The following SNTB1 variants were observed in gnomAD, a reference collection of about 807,000 sequenced individuals.
SNTB1 encodes the protein syntrophin beta 1.
In SNTB1, 36 loss-of-function variants were observed where a neutral mutation model predicts 48.9. That is an observed-to-expected ratio of 0.74 (90% CI 0.56 to 0.97). The LOEUF (loss-of-function observed/expected upper bound fraction) is 0.97, where lower values mean the gene tolerates loss of function less well. Ranked by LOEUF, SNTB1 falls within the 50% of genes least tolerant of loss-of-function variation. The pLI, the probability that SNTB1 is intolerant of heterozygous loss-of-function variation, is 0.00. For synonymous variants in SNTB1, 299 were observed against 294.6 expected (o/e 1.01, Z -0.15); for missense variants, 786 against 703.4 (o/e 1.12, Z -1.33).
intron 1 of SNTB1, among the ~76,000 whole-genome samples, chr8:120,712,414 C>CAAAAAA (rs370583854): frequency 1.2e-5 from 1 of 81,356 alleles, no homozygotes. Flanking sequence ...GACTCCATCT[C>CAAAAAA]AAAAAAAAAA....
At position 120,538,180 on chromosome 8, in the gene SNTB1, G is replaced by A. The variant is rs2130638402; in HGVS notation, c.*697C>T. The A allele has an allele frequency of 6.4e-6, 1 of 155,758 alleles. No individual in the cohort carries two copies. The highest frequency in any genetic ancestry group is 2.0e-4 in the South Asian group (1 of 5,108). The allele number at this position is 155,758 out of a possible 1,614,324, so 9.6% of individuals were successfully genotyped here. A position where few individuals can be genotyped will look rare whatever the true frequency, so the allele number is the denominator to read the frequency against. ...TCTTTAGCAAAGCTTATCAATTTAA[G>A]CAGTCTACTTTGGCTCAGATTCTAC... On this transcript the variant is annotated 3_prime_UTR_variant, in exon 7 of 7. Coordinates refer to ENST00000517992, the MANE Select transcript of SNTB1 (RefSeq NM_021021.4).
Position 120,627,865 on chromosome 8 carries a change from A to G in SNTB1, c.996+4579T>C, listed in dbSNP as rs117444895. On this transcript the variant is annotated intron_variant, in intron 3 of 6. Transcript: ENST00000517992. ...TGCTGGACTTTGGAGTTAGAAAGAG[A>G]AGCTCAAATTCTAAATCTACCACAT... Among the ~76,000 whole-genome samples the G allele has an allele frequency of 3.5e-4, 54 of 152,296 alleles. No individual in the cohort carries two copies. The East Asian group carries it at 0.01, about 28-fold the overall frequency.
Position 120,668,703 on chromosome 8 carries a change from ACT to A in SNTB1, c.788+24987_788+24988del, listed in dbSNP as rs1237454750. On this transcript the variant is annotated intron_variant, in intron 2 of 6. Transcript: ENST00000517992. Reference sequence around the variant, plus strand: ...TCTGTATATTATCCATGCTTTTAGTACTCTCTCCTTTCTTCTGGCGCCTGCCA... The same window carrying A: ...TCTGTATATTATCCATGCTTTTAGTACTCTCCTTTCTTCTGGCGCCTGCCA... 2.6e-5 allele frequency among the ~76,000 whole-genome samples: 4 copies of A among 151,992 alleles called. No homozygotes were observed. The East Asian group carries it at 7.7e-4, about 29-fold the overall frequency.
At chr8:120,592,286 A>T (rs1216116852) in intron 3 of SNTB1, among the ~76,000 whole-genome samples, 1 of 151,882 alleles carries the variant, frequency 6.6e-6, no homozygotes, top group African/African-American at 2.4e-5. Context: ...GGGTCAAGGG[A>T]TCCTCCTGCC....
intron 2 of SNTB1, among the ~76,000 whole-genome samples, chr8:120,683,440 A>G (rs1272361106): frequency 6.6e-6 from 1 of 152,118 alleles, no homozygotes; most frequent in Admixed American, 6.5e-5. Context: ...ATCTTACAAG[A>G]AAGAAAAGGA....
intron 4 of SNTB1, among the ~76,000 whole-genome samples, chr8:120,569,084 G>C (rs911738362): frequency 6.6e-6 from 1 of 152,214 alleles, no homozygotes; most frequent in Non-Finnish European, 1.5e-5. Flanking sequence ...AGGTTCAAGC[G>C]ATTCTCATGC....
At chr8:120,741,193 G>T (rs190638458) in intron 1 of SNTB1, among the ~76,000 whole-genome samples, 1 of 152,192 alleles carries the variant, frequency 6.6e-6, no homozygotes, top group South Asian at 2.1e-4. Flanking sequence ...AGAGATTCAT[G>T]TCCAAATTTA....
intron 3 of SNTB1, among the ~76,000 whole-genome samples, chr8:120,589,196 C>T (rs1816198662): frequency 6.6e-6 from 1 of 152,154 alleles, no homozygotes; most frequent in African/African-American, 2.4e-5. Flanking sequence ...CATTCTGATA[C>T]TGGATTATAG....
intron 2 of SNTB1, among the ~76,000 whole-genome samples, chr8:120,641,442 C>T (rs1817195397): frequency 6.6e-6 from 1 of 152,106 alleles, no homozygotes; most frequent in African/African-American, 2.4e-5. Context: ...TGGGAAACAG[C>T]CACTCCACAG....
At chr8:120,768,950 A>G (rs956612413) in intron 1 of SNTB1, 1 of 152,206 alleles carries the variant, frequency 6.6e-6, no homozygotes, top group African/African-American at 2.4e-5. Context: ...TGGAGAGGCT[A>G]CTACTAATCA....
At chr8:120,679,321 T>A (rs1041424293) in intron 2 of SNTB1, among the ~76,000 whole-genome samples, 4 of 152,106 alleles carry the variant, frequency 2.6e-5, no homozygotes, top group Non-Finnish European at 4.4e-5. Context: ...GGAAATCCAG[T>A]AAGGAACACA....
intron 1 of SNTB1, among the ~76,000 whole-genome samples, chr8:120,797,166 AAC>A (rs1201936086): frequency 6.6e-6 from 1 of 152,040 alleles, no homozygotes; most frequent in Non-Finnish European, 1.5e-5. Flanking sequence ...CAGAGTGATA[AAC>A]ACACCGTACA....
chr8:120,607,629 A>T (rs1441221284), intron 3 of SNTB1, among the ~76,000 whole-genome samples: 1 of 152,256 alleles, frequency 6.6e-6, no homozygotes, highest in East Asian at 1.9e-4. Context: ...AAAATGAAGG[A>T]TAACATCTAA....
chr8:120,808,901 T>A (rs1349966244), intron 1 of SNTB1, among the ~76,000 whole-genome samples: 2 of 152,076 alleles, frequency 1.3e-5, no homozygotes, highest in African/African-American at 4.8e-5. Flanking sequence ...CTAGGTTTTT[T>A]TAAAAAAAAG....
chr8:120,724,066 G>A (rs1007433943), intron 1 of SNTB1, among the ~76,000 whole-genome samples: 1 of 152,226 alleles, frequency 6.6e-6, no homozygotes, highest in African/African-American at 2.4e-5. Context: ...TTCAGGCTCT[G>A]CCAAGATCTT....
At chr8:120,772,070 A>G (rs186949035) in intron 1 of SNTB1, among the ~76,000 whole-genome samples, 41 of 151,978 alleles carry the variant, frequency 2.7e-4, no homozygotes, top group Admixed American at 9.8e-4. Flanking sequence ...AGGTTTCACC[A>G]TGTTGGCCAG....
chr8:120,732,674 G>A (rs377042988), intron 1 of SNTB1, among the ~76,000 whole-genome samples: 60 of 152,204 alleles, frequency 3.9e-4, no homozygotes, highest in African/African-American at 1.3e-3. Context: ...GGGAAACCTC[G>A]TCTCTATTAA....
chr8:120,556,238 G>A (rs528917799), intron 4 of SNTB1, among the ~76,000 whole-genome samples: 16 of 152,210 alleles, frequency 1.1e-4, no homozygotes, highest in East Asian at 3.9e-4. Context: ...GAAGAGAGTC[G>A]GAACCCGCTT....
At chr8:120,542,154 G>A in intron 5 of SNTB1, 154 bp from the exon 6 acceptor site, 1 of 593,750 alleles carries the variant, frequency 1.7e-6, no homozygotes, top group Non-Finnish European at 2.9e-6. Context: ...AAAATATTCT[G>A]TTTGGATTTA....
Sources: allele counts gnomAD v4.1 joint callset (sites outside exome capture counted in the v4.1 genomes callset), GRCh38; gene constraint gnomAD v4.1.1; transcripts MANE v1.5; gene names NCBI Gene and HGNC (gene_info 2026-07-23, HGNC 2026-07-21).